Variants in ERC2 observed in about 807,000 individuals in gnomAD.
ERC2 encodes ERC protein 2.
Under a neutral mutation model 114.8 loss-of-function variants are expected in ERC2, and 42 were observed. The ratio of observed to expected loss-of-function variants is 0.37; its 90% CI spans 0.29 to 0.47. The LOEUF (loss-of-function observed/expected upper bound fraction) is 0.47, where lower values mean the gene tolerates loss of function less well. ERC2 is among the 20% of genes least tolerant of loss of function. The probability of loss-of-function intolerance (pLI) is 0.99; values close to 1 mark genes in which losing one functional copy is unlikely to be tolerated. For synonymous variants in ERC2, 454 were observed against 425.5 expected (o/e 1.07, Z -0.82); for missense variants, 939 against 1,150.7 (o/e 0.82, Z 2.66).
At chr3:56,409,928 T>A (rs1404306493) in intron 2 of ERC2, among the ~76,000 whole-genome samples, 1 of 152,178 alleles carries the variant, frequency 6.6e-6, no homozygotes, top group Non-Finnish European at 1.5e-5. Context: ...AGAATCACTA[T>A]CCCCATTTTT....
At chr3:55,998,186 C>A (rs1416009080) in intron 10 of ERC2, among the ~76,000 whole-genome samples, 1 of 151,654 alleles carries the variant, frequency 6.6e-6, no homozygotes, top group Non-Finnish European at 1.5e-5. Flanking sequence ...ATAGATGGAA[C>A]AAATAGGATA....
At chr3:56,288,400 G>C (rs1235290360) in intron 3 of ERC2, among the ~76,000 whole-genome samples, 1 of 152,066 alleles carries the variant, frequency 6.6e-6, no homozygotes, top group African/African-American at 2.4e-5. Context: ...CTCCTCCCTG[G>C]TGCCTCCCCA....
At chr3:56,058,630 T>C (rs1410896168) in intron 7 of ERC2, among the ~76,000 whole-genome samples, 1 of 152,152 alleles carries the variant, frequency 6.6e-6, no homozygotes, top group Non-Finnish European at 1.5e-5. Flanking sequence ...GAGAGCCTCA[T>C]CCAATCAAAA....
At chr3:56,075,092 T>C (rs1298205036) in intron 7 of ERC2, among the ~76,000 whole-genome samples, 4 of 151,970 alleles carry the variant, frequency 2.6e-5, no homozygotes, top group Admixed American at 6.6e-5. Context: ...GAAATAGTTC[T>C]CTAAGAGTGT....
intron 14 of ERC2, among the ~76,000 whole-genome samples, chr3:55,885,410 A>T (rs569906539): frequency 1.9e-4 from 29 of 152,344 alleles, no homozygotes; most frequent in Non-Finnish European, 1.5e-5. Flanking sequence ...GTCCTCCCAT[A>T]GTCCCAGGGC....
In ERC2 at chr3:55,923,357, AAC is replaced by A. The variant is rs141119144; in HGVS notation, c.2403+27066_2403+27067del. On this transcript the variant is annotated intron_variant, in intron 13 of 17. Transcript: ENST00000288221. ...TTAAATTCATAAAGCCAGAAAATAA[AAC>A]ACAGGTTGCCAGGGACCAGGGGTAT... 8.0e-3 allele frequency among the ~76,000 whole-genome samples: 1,220 copies of A among 152,184 alleles called. 11 individuals carry two copies. The highest frequency in any genetic ancestry group is 0.031 in the Middle Eastern group (9 of 292).
chr3:56,328,432 GA>G (rs1204085459), intron 2 of ERC2, among the ~76,000 whole-genome samples: 2 of 152,144 alleles, frequency 1.3e-5, no homozygotes, highest in Non-Finnish European at 1.5e-5. Flanking sequence ...GTTCAGTAAA[GA>G]AATGTGTATA....
intron 17 of ERC2, among the ~76,000 whole-genome samples, chr3:55,583,619 G>T (rs1304120051): frequency 6.9e-6 from 1 of 145,464 alleles, no homozygotes; most frequent in Non-Finnish European, 1.5e-5. Flanking sequence ...GCACTGGACG[G>T]TATCAGCTTC....
At chr3:56,280,667 G>A (rs1235640588) in intron 3 of ERC2, among the ~76,000 whole-genome samples, 1 of 152,174 alleles carries the variant, frequency 6.6e-6, no homozygotes, top group Non-Finnish European at 1.5e-5. Flanking sequence ...TCACCACTTG[G>A]TATATACTTA....
intron 16 of ERC2, among the ~76,000 whole-genome samples, chr3:55,687,391 TA>T (rs1439730827): frequency 2.7e-4 from 35 of 131,016 alleles, no homozygotes; most frequent in Admixed American, 3.1e-4. Context: ...TTTTTTTTTT[TA>T]AAACACCTGA....
At chr3:56,009,482 T>C (rs750939031) in intron 9 of ERC2, among the ~76,000 whole-genome samples, 7 of 152,212 alleles carry the variant, frequency 4.6e-5, no homozygotes, top group Non-Finnish European at 1.0e-4. Flanking sequence ...TTCAGGACTT[T>C]AGTTTGTGTG....
intron 3 of ERC2, among the ~76,000 whole-genome samples, chr3:56,269,019 TAGG>T (rs1284631025): frequency 1.3e-5 from 2 of 152,034 alleles, no homozygotes; most frequent in Non-Finnish European, 2.9e-5. Flanking sequence ...AAGATACAAA[TAGG>T]AGGCAAAATT....
At chr3:55,997,917 TG>T (rs758371700) in intron 10 of ERC2, among the ~76,000 whole-genome samples, 8,410 of 42,718 alleles carry the variant, frequency 0.2, 1,176 homozygotes, top group Middle Eastern at 0.33. Flanking sequence ...TGTGTGTGTG[TG>T]TGTGTTTTTT....
At chr3:56,411,310 C>A (rs2060933685) in intron 2 of ERC2, among the ~76,000 whole-genome samples, 10 of 151,714 alleles carry the variant, frequency 6.6e-5, no homozygotes, top group Admixed American at 6.6e-4. Context: ...AAAATGCTCC[C>A]TCTGCCACCT....
intron 17 of ERC2, among the ~76,000 whole-genome samples, chr3:55,537,120 C>A (rs1244378510): frequency 6.6e-6 from 1 of 152,228 alleles, no homozygotes; most frequent in East Asian, 1.9e-4. Flanking sequence ...CCTTTGCCAG[C>A]ATGCTGGGAG....
intron 17 of ERC2, among the ~76,000 whole-genome samples, chr3:55,653,042 T>A (rs548288528): frequency 6.6e-6 from 1 of 152,224 alleles, no homozygotes; most frequent in African/African-American, 2.4e-5. Flanking sequence ...AGTCTCACAC[T>A]CATCTACCAA....
intron 13 of ERC2, among the ~76,000 whole-genome samples, chr3:55,901,949 CAT>C (rs1440153555): frequency 1.3e-5 from 2 of 152,336 alleles, no homozygotes; most frequent in South Asian, 2.1e-4. Context: ...TCTTAAGAGT[CAT>C]GTGATAAAAA....
intron 3 of ERC2, among the ~76,000 whole-genome samples, chr3:56,258,142 A>G (rs1357418965): frequency 6.6e-6 from 1 of 152,204 alleles, no homozygotes; most frequent in Non-Finnish European, 1.5e-5. Flanking sequence ...CTCACCTCAC[A>G]GCAGATCCTA....
rs115482804 is a variant in ERC2, at chr3:56,410,461, G to A, written c.657+23890C>T. 5.0e-3 allele frequency among the ~76,000 whole-genome samples: 754 copies of A among 152,302 alleles called. 2 individuals carry two copies. The highest frequency in any genetic ancestry group is 7.6e-3 in the Non-Finnish European group (520 of 68,030). ...GAGCACTTACTATGTGCCAAATGAC[G>A]TGCTAAGCACTCTGCTTATAGTATG... On this transcript the variant is annotated intron_variant, in intron 2 of 17. Coordinates refer to ENST00000288221, the MANE Select transcript of ERC2 (RefSeq NM_015576.3).
Sources: gnomAD v4.1 joint callset for allele counts (sites outside exome capture counted in the v4.1 genomes callset) on GRCh38, gnomAD v4.1.1 for gene constraint, MANE v1.5 for transcripts, NCBI Gene and HGNC (gene_info 2026-07-23, HGNC 2026-07-21) for gene names.